The following CALN1 variants were observed in gnomAD, a reference collection of about 807,000 sequenced individuals.
CALN1 encodes calneuron 1, also known as calcium-binding protein 8.
CALN1 carries 17 observed loss-of-function variants against 30.6 expected under a neutral mutation model. That is an observed-to-expected ratio of 0.56 (90% CI 0.38 to 0.83). The LOEUF (loss-of-function observed/expected upper bound fraction) is 0.83, where lower values mean the gene tolerates loss of function less well. Ranked by LOEUF, CALN1 falls within the 40% of genes least tolerant of loss-of-function variation. The pLI is 0.00. For missense variants in CALN1, 291 were observed against 354.9 expected (o/e 0.82, Z 1.45); for synonymous variants, 156 against 131.4 (o/e 1.19, Z -1.28).
chr7:71,986,956 C>T (rs1012259773), intron 5 of CALN1, among the ~76,000 whole-genome samples: 1 of 151,926 alleles, frequency 6.6e-6, no homozygotes, highest in African/African-American at 2.4e-5. Flanking sequence ...AACAAAACAC[C>T]GTCTCTATTA....
chr7:71,939,534 T>C (rs1393783563), intron 5 of CALN1, among the ~76,000 whole-genome samples: 2 of 151,398 alleles, frequency 1.3e-5, no homozygotes, highest in African/African-American at 2.4e-5. Context: ...GATCGTGCCA[T>C]TGCACTTCAG....
intron 5 of CALN1, among the ~76,000 whole-genome samples, chr7:71,916,956 G>C (rs1794714859): frequency 6.6e-6 from 1 of 152,128 alleles, no homozygotes; most frequent in Non-Finnish European, 1.5e-5. Flanking sequence ...CAGACTGTGA[G>C]GGCATTCCAC....
At chr7:72,320,955 G>A (rs1368423695) in intron 2 of CALN1, among the ~76,000 whole-genome samples, 2 of 151,984 alleles carry the variant, frequency 1.3e-5, no homozygotes, top group African/African-American at 2.4e-5. Context: ...TTTCAGCCAG[G>A]TATTTAACTT....
intron 2 of CALN1, among the ~76,000 whole-genome samples, chr7:72,344,994 G>A (rs1562908943): frequency 1.4e-5 from 2 of 138,368 alleles, no homozygotes; most frequent in African/African-American, 5.8e-5. Flanking sequence ...TAAAAATAAT[G>A]ATATATAATA....
chr7:71,912,617 G>T (rs1185294600), intron 5 of CALN1, among the ~76,000 whole-genome samples: 1 of 152,170 alleles, frequency 6.6e-6, no homozygotes, highest in East Asian at 1.9e-4. Flanking sequence ...GACTCACCCA[G>T]TAGATATAAC....
At chr7:71,941,168 G>A (rs1191838845) in intron 5 of CALN1, among the ~76,000 whole-genome samples, 2 of 151,050 alleles carry the variant, frequency 1.3e-5, no homozygotes, top group Admixed American at 6.7e-5. Flanking sequence ...CCAACATGGT[G>A]AAAACCCATC....
intron 6 of CALN1, among the ~76,000 whole-genome samples, chr7:71,789,104 C>T (rs1793164458): frequency 6.6e-6 from 1 of 152,080 alleles, no homozygotes; most frequent in African/African-American, 2.4e-5. Context: ...TGCTTGGCCA[C>T]TGGGAGGTTT....
At chr7:72,161,792 G>A (rs1788131061) in intron 3 of CALN1, among the ~76,000 whole-genome samples, 1 of 152,046 alleles carries the variant, frequency 6.6e-6, no homozygotes, top group African/African-American at 2.4e-5. Context: ...GGAAGAGGGA[G>A]AGCATCCGGA....
intron 4 of CALN1, among the ~76,000 whole-genome samples, chr7:72,067,117 C>T (rs112105001): frequency 4.3e-3 from 647 of 152,224 alleles, no homozygotes; most frequent in African/African-American, 0.015. Flanking sequence ...TACTTACTCC[C>T]CAAGTAGGAT....
chr7:72,142,113 C>CA (rs112909635), intron 3 of CALN1, among the ~76,000 whole-genome samples: 3 of 152,292 alleles, frequency 2.0e-5, no homozygotes, highest in African/African-American at 7.2e-5. Context: ...TGGGGATTGT[C>CA]AGACAGTGGG....
chr7:71,897,968 A>AC (rs1309744876), intron 5 of CALN1, among the ~76,000 whole-genome samples: 6 of 117,658 alleles, frequency 5.1e-5, no homozygotes, highest in East Asian at 5.5e-4. Flanking sequence ...AAAAAAACAA[A>AC]AAACAAAAAA....
At chr7:72,386,504 C>G (rs948503098) in intron 2 of CALN1, among the ~76,000 whole-genome samples, 2 of 152,164 alleles carry the variant, frequency 1.3e-5, no homozygotes, top group Non-Finnish European at 2.9e-5. Context: ...TAGACCTAAA[C>G]AAGCAAATAA....
chr7:72,345,513 G>A (rs1473719981), intron 2 of CALN1, among the ~76,000 whole-genome samples: 1 of 141,290 alleles, frequency 7.1e-6, no homozygotes, highest in Non-Finnish European at 1.5e-5. Context: ...GGAAGGGAGG[G>A]AGGAAGGAAA....
chr7:72,484,617 G>T, the CALN1 span, among the ~76,000 whole-genome samples: 12 of 152,132 alleles, frequency 7.9e-5, no homozygotes, highest in African/African-American at 2.7e-4. Flanking sequence ...GGTAACTCAG[G>T]ATTCCTCTGT....
chr7:71,854,434 A>G (rs1224823009), intron 5 of CALN1, among the ~76,000 whole-genome samples: 1 of 152,208 alleles, frequency 6.6e-6, no homozygotes, highest in Non-Finnish European at 1.5e-5. Flanking sequence ...TACAAAAGAG[A>G]TATCAATGAA....
intron 1 of CALN1, among the ~76,000 whole-genome samples, chr7:72,409,421 A>G (rs1490214239): frequency 1.4e-5 from 2 of 145,952 alleles, no homozygotes; most frequent in Non-Finnish European, 3.0e-5. Flanking sequence ...TCCCTTCCTC[A>G]GAGGCTGGCG....
chr7:71,801,404 G>GTATA (rs1252489036), intron 6 of CALN1, among the ~76,000 whole-genome samples: 18 of 132,760 alleles, frequency 1.4e-4, no homozygotes, highest in South Asian at 2.6e-4. Context: ...ATGTATGTAT[G>GTATA]TATGTATGTA....
chr7:72,243,148 G>A (rs949370196), intron 3 of CALN1, among the ~76,000 whole-genome samples: 1 of 152,116 alleles, frequency 6.6e-6, no homozygotes, highest in Non-Finnish European at 1.5e-5. Context: ...TTTAGATGAG[G>A]TCATGAGGGA....
intron 3 of CALN1, among the ~76,000 whole-genome samples, chr7:72,143,957 C>A (rs1380016235): frequency 2.6e-5 from 4 of 152,188 alleles, no homozygotes; most frequent in Non-Finnish European, 5.9e-5. Context: ...GCCTGCCCTA[C>A]AAGAGCTCCT....
Sources: gnomAD v4.1 joint callset for allele counts (sites outside exome capture counted in the v4.1 genomes callset) on GRCh38, gnomAD v4.1.1 for gene constraint, MANE v1.5 for transcripts, NCBI Gene and HGNC (gene_info 2026-07-23, HGNC 2026-07-21) for gene names.